STXBP5L: variants seen among roughly 807,000 people sequenced by gnomAD.
The protein encoded by STXBP5L is syntaxin binding protein 5L, also known as syntaxin-binding protein 5-like.
In STXBP5L, 65 loss-of-function variants were observed where a neutral mutation model predicts 144.5. The observed-to-expected ratio is 0.45, with a 90% CI of 0.37 to 0.55. The LOEUF (loss-of-function observed/expected upper bound fraction) is 0.55. Among genes scored for constraint, STXBP5L ranks in the 20% least tolerant of loss-of-function variants. The pLI, the probability that STXBP5L is intolerant of heterozygous loss-of-function variation, is 0.00. For synonymous variants in STXBP5L, 505 were observed against 469.6 expected (o/e 1.08, Z -0.97); for missense variants, 1,298 against 1,405.5 (o/e 0.92, Z 1.22).
chr3:121,345,699 T>A (rs1189467881), intron 20 of STXBP5L, among the ~76,000 whole-genome samples: 1 of 152,142 alleles, frequency 6.6e-6, no homozygotes, highest in Non-Finnish European at 1.5e-5. Context: ...ATGACTGCCA[T>A]TCTAACTGGC....
intron 3 of STXBP5L, among the ~76,000 whole-genome samples, chr3:121,031,831 G>A (rs1302529743): frequency 2.6e-5 from 4 of 152,096 alleles, no homozygotes; most frequent in Admixed American, 6.6e-5. Context: ...GTACTCAAGA[G>A]ATGCTTCAAA....
intron 5 of STXBP5L, among the ~76,000 whole-genome samples, chr3:121,059,520 T>C (rs1242133476): frequency 6.6e-6 from 1 of 152,180 alleles, no homozygotes; most frequent in African/African-American, 2.4e-5. Flanking sequence ...AGAATGTCAG[T>C]GGTAGCTTGA....
intron 22 of STXBP5L, among the ~76,000 whole-genome samples, chr3:121,398,125 G>T (rs1364682602): frequency 1.3e-5 from 2 of 152,112 alleles, no homozygotes; most frequent in East Asian, 3.8e-4. Flanking sequence ...TGTGCCATGT[G>T]CTCTCCTGGC....
At chr3:121,151,591 T>A (rs2045934201) in intron 7 of STXBP5L, among the ~76,000 whole-genome samples, 1 of 152,178 alleles carries the variant, frequency 6.6e-6, no homozygotes, top group Non-Finnish European at 1.5e-5. Context: ...TATTGATACA[T>A]CTTTATCCAG....
chr3:121,225,864 G>C (rs572724832), intron 11 of STXBP5L, among the ~76,000 whole-genome samples: 1 of 152,146 alleles, frequency 6.6e-6, no homozygotes, highest in Non-Finnish European at 1.5e-5. Flanking sequence ...TGAGTTCCTC[G>C]TGCATTATGA....
chr3:121,405,273 T>G (rs1333091887), intron 22 of STXBP5L, among the ~76,000 whole-genome samples: 1 of 152,084 alleles, frequency 6.6e-6, no homozygotes, highest in African/African-American at 2.4e-5. Flanking sequence ...TTAAAATTTA[T>G]CTACCTTTTT....
At chr3:121,071,472 A>T (rs543491770) in intron 5 of STXBP5L, among the ~76,000 whole-genome samples, 1 of 152,222 alleles carries the variant, frequency 6.6e-6, no homozygotes, top group South Asian at 2.1e-4. Context: ...ACTTGGTTTC[A>T]CTGCAGGATC....
intron 19 of STXBP5L, among the ~76,000 whole-genome samples, chr3:121,303,627 C>T (rs2052020661): frequency 6.6e-6 from 1 of 152,256 alleles, no homozygotes. Context: ...TGGAACCAAC[C>T]CAAATGTCCA....
Position 121,255,123 on chromosome 3 carries a change from T to A in STXBP5L, c.1659+11T>A. ...ACAACAGAAATAGTGGTAAGTTATT[T>A]AAAATTTAACTTTCACTTTTACAGT... On this transcript the variant is annotated intron_variant, in intron 16 of 26. Coordinates refer to ENST00000471454, the MANE Select transcript of STXBP5L (RefSeq NM_001308330.2). 2 of 1,558,998 alleles carry A rather than the reference T, an allele frequency of 1.3e-6. No homozygotes were observed. Among genetic ancestry groups the A allele is most frequent in the South Asian group, 2.4e-5 (2 of 82,690 alleles).
chr3:121,347,350 CT>C (rs1257230568), intron 20 of STXBP5L, among the ~76,000 whole-genome samples: 4 of 152,210 alleles, frequency 2.6e-5, no homozygotes, highest in Non-Finnish European at 5.9e-5. Flanking sequence ...GTTTTGGTTA[CT>C]GTAGCCTTGT....
intron 20 of STXBP5L, among the ~76,000 whole-genome samples, chr3:121,377,726 G>A (rs574728511): frequency 2.0e-4 from 30 of 152,324 alleles, no homozygotes; most frequent in Non-Finnish European, 3.7e-4. Flanking sequence ...GTTGGTGGGA[G>A]TGTAAATTAG....
At chr3:121,322,850 A>G (rs972271817) in intron 20 of STXBP5L, among the ~76,000 whole-genome samples, 11 of 152,206 alleles carry the variant, frequency 7.2e-5, no homozygotes, top group Admixed American at 2.6e-4. Flanking sequence ...CAGCTTCACC[A>G]GCATCTGTTG....
At chr3:120,932,843 T>A (rs7652758) in intron 2 of STXBP5L, among the ~76,000 whole-genome samples, 1 of 151,880 alleles carries the variant, frequency 6.6e-6, no homozygotes, top group Admixed American at 6.6e-5. Context: ...GTGGCACATA[T>A]ACACCATGGA....
chr3:121,412,275 C>T (rs932862044), intron 23 of STXBP5L, among the ~76,000 whole-genome samples: 4 of 152,140 alleles, frequency 2.6e-5, no homozygotes, highest in African/African-American at 9.7e-5. Context: ...TCTGAGAACA[C>T]TTTCTGGGCT....
chr3:121,075,728 G>T (rs937871564), intron 5 of STXBP5L, among the ~76,000 whole-genome samples: 2 of 152,108 alleles, frequency 1.3e-5, no homozygotes, highest in Non-Finnish European at 2.9e-5. Context: ...TTCCCTGCAG[G>T]CTTTATTCCA....
chr3:121,392,434 G>A (rs779567533), intron 22 of STXBP5L, among the ~76,000 whole-genome samples: 7 of 152,106 alleles, frequency 4.6e-5, no homozygotes, highest in Non-Finnish European at 8.8e-5. Flanking sequence ...GTCCCAATGA[G>A]ATGAACCAGT....
chr3:121,206,608 G>A (rs973220013), intron 10 of STXBP5L, among the ~76,000 whole-genome samples: 1 of 152,068 alleles, frequency 6.6e-6, no homozygotes. Flanking sequence ...TCAGGAGATC[G>A]AGACCAGCCT....
chr3:121,315,570 A>G (rs1443022629), intron 19 of STXBP5L, among the ~76,000 whole-genome samples: 1 of 152,044 alleles, frequency 6.6e-6, no homozygotes, highest in African/African-American at 2.4e-5. Context: ...CCAGCATGGC[A>G]CATGTATACA....
intron 5 of STXBP5L, among the ~76,000 whole-genome samples, chr3:121,103,187 A>G (rs1275825203): frequency 6.6e-6 from 1 of 151,764 alleles, no homozygotes; most frequent in Non-Finnish European, 1.5e-5. Flanking sequence ...CAGAAATCCC[A>G]TTACTGGGTA....
Sources: allele counts gnomAD v4.1 joint callset (sites outside exome capture counted in the v4.1 genomes callset), GRCh38; gene constraint gnomAD v4.1.1; transcripts MANE v1.5; gene names NCBI Gene and HGNC (gene_info 2026-07-23, HGNC 2026-07-21).